The following LIPC variants were observed in gnomAD, a reference collection of about 807,000 sequenced individuals.
LIPC encodes the protein lipase C, hepatic type, also known as hepatic triacylglycerol lipase.
LIPC carries 44 observed loss-of-function variants against 50.7 expected under a neutral mutation model. That is an observed-to-expected ratio of 0.87 (90% CI 0.68 to 1.11). LIPC has a LOEUF of 1.11. Ranked by LOEUF, LIPC falls within the 50% of genes most tolerant of loss-of-function variation. The pLI, the probability that LIPC is intolerant of heterozygous loss-of-function variation, is 0.00. For missense variants in LIPC, 697 were observed against 648.2 expected (o/e 1.08, Z -0.82); for synonymous variants, 271 against 256.4 (o/e 1.06, Z -0.54).
At chr15:58,446,750 C>T (rs1433466594) in intron 1 of LIPC, among the ~76,000 whole-genome samples, 1 of 152,174 alleles carries the variant, frequency 6.6e-6, no homozygotes, top group Non-Finnish European at 1.5e-5. Context: ...ACTGTTGTTT[C>T]CCCAGGACCC....
intron 1 of LIPC, among the ~76,000 whole-genome samples, chr15:58,485,724 G>A (rs1049978934): frequency 4.6e-5 from 7 of 152,254 alleles, no homozygotes; most frequent in Admixed American, 3.9e-4. Flanking sequence ...AAGCTGCCCT[G>A]TCATTTGTGG....
At chr15:58,565,040 T>C (rs1309015632) in intron 8 of LIPC, 2 of 661,044 alleles carry the variant, frequency 3.0e-6, no homozygotes, top group East Asian at 5.5e-5. Context: ...CGTCACCCCC[T>C]GGGTTTCACT....
intron 1 of LIPC, among the ~76,000 whole-genome samples, chr15:58,471,336 G>GAGC (rs1555399304): frequency 1.5e-5 from 2 of 135,006 alleles, no homozygotes; most frequent in African/African-American, 3.2e-5. Context: ...GATGGGGGGG[G>GAGC]GTGGTCTCAC....
At chr15:58,461,625 C>T (rs147903341) in intron 1 of LIPC, among the ~76,000 whole-genome samples, 3,108 of 151,666 alleles carry the variant, frequency 0.02, 104 homozygotes, top group African/African-American at 0.071. Context: ...ACCACATTGG[C>T]CAGGCTGGTC....
At chr15:58,476,444 T>G (rs1376170996) in intron 1 of LIPC, among the ~76,000 whole-genome samples, 1 of 152,254 alleles carries the variant, frequency 6.6e-6, no homozygotes, top group Admixed American at 6.5e-5. Context: ...TTCTCCTGTG[T>G]GCCACATAGT....
chr15:58,500,893 T>C (rs1429733968), intron 1 of LIPC, among the ~76,000 whole-genome samples: 3 of 151,864 alleles, frequency 2.0e-5, no homozygotes, highest in Non-Finnish European at 1.5e-5. Flanking sequence ...CAAAGCCACG[T>C]CAAAACACAG....
chr15:58,474,216 G>A (rs1410805347), intron 1 of LIPC, among the ~76,000 whole-genome samples: 1 of 152,136 alleles, frequency 6.6e-6, no homozygotes, highest in African/African-American at 2.4e-5. Flanking sequence ...CTCTCTGCTG[G>A]GGGCAGTAAA....
chr15:58,465,323 T>C (rs969265564), intron 1 of LIPC, among the ~76,000 whole-genome samples: 2 of 152,240 alleles, frequency 1.3e-5, no homozygotes, highest in Admixed American at 6.5e-5. Context: ...GTACCTCTTA[T>C]GAAAGCCAAC....
In LIPC at chr15:58,450,795, C is replaced by T. The variant is rs572987082; in HGVS notation, c.88+18675C>T. On this transcript the variant is annotated intron_variant, in intron 1 of 8. Transcript: ENST00000299022. ...ATGCCTGGTATTGATAAGAGCCCAC[C>T]GTGCTAGTTTTTACCAATGGTCCCT... Among the ~76,000 whole-genome samples, 57 of 152,178 alleles carry T rather than the reference C, an allele frequency of 3.7e-4. No homozygotes were observed. The South Asian group carries it at 9.3e-3, about 25-fold the overall frequency.
chr15:58,460,436 T>C (rs1051023661), intron 1 of LIPC, among the ~76,000 whole-genome samples: 1 of 152,208 alleles, frequency 6.6e-6, no homozygotes, highest in Non-Finnish European at 1.5e-5. Flanking sequence ...TGGGCCAGGA[T>C]GGCCTCCCAA....
chr15:58,509,847 G>T (rs1892277643), intron 1 of LIPC, among the ~76,000 whole-genome samples: 1 of 151,818 alleles, frequency 6.6e-6, no homozygotes, highest in African/African-American at 2.4e-5. Flanking sequence ...TGCTGTCAAT[G>T]GATATCTATT....
intron 1 of LIPC, among the ~76,000 whole-genome samples, chr15:58,511,959 A>G (rs942381731): frequency 6.6e-6 from 1 of 152,210 alleles, no homozygotes; most frequent in Non-Finnish European, 1.5e-5. Flanking sequence ...CATACACACA[A>G]TTAAACTCAA....
At chr15:58,539,476 A>C (rs2140908069) in intron 2 of LIPC, among the ~76,000 whole-genome samples, 1 of 152,296 alleles carries the variant, frequency 6.6e-6, no homozygotes, top group South Asian at 2.1e-4. Flanking sequence ...ATGAAGTCAA[A>C]CCATGTGAGA....
intron 6 of LIPC, among the ~76,000 whole-genome samples, chr15:58,554,796 C>T (rs1346274489): frequency 6.6e-6 from 1 of 152,114 alleles, no homozygotes; most frequent in African/African-American, 2.4e-5. Context: ...AACCAGTTCT[C>T]AGCCTGAAAG....
At chr15:58,554,910 C>G (rs1294053339) in intron 6 of LIPC, among the ~76,000 whole-genome samples, 1 of 152,196 alleles carries the variant, frequency 6.6e-6, no homozygotes, top group Non-Finnish European at 1.5e-5. Flanking sequence ...AGTGCTCCTG[C>G]AAACTCAAGG....
chr15:58,542,474 C>A, intron 3 of LIPC, 60 bp from the exon 4 acceptor site: 1 of 1,129,350 alleles, frequency 8.9e-7, no homozygotes, highest in Non-Finnish European at 1.4e-6. Context: ...CACACTGGAC[C>A]GCAAAAGGCT....
At chr15:58,530,785 C>A (rs1368391741) in intron 1 of LIPC, among the ~76,000 whole-genome samples, 4 of 152,216 alleles carry the variant, frequency 2.6e-5, no homozygotes, top group Admixed American at 6.5e-5. Context: ...AATCTAGCTT[C>A]TTTCACTTAG....
chr15:58,453,302 C>T (rs927640514), intron 1 of LIPC, among the ~76,000 whole-genome samples: 4 of 152,144 alleles, frequency 2.6e-5, no homozygotes, highest in Admixed American at 2.0e-4. Flanking sequence ...CCACATGGGA[C>T]CTAGAATAGC....
chr15:58,521,833 A>G (rs1892663445), intron 1 of LIPC: 1 of 152,232 alleles, frequency 6.6e-6, no homozygotes, highest in Non-Finnish European at 1.5e-5. Flanking sequence ...TTATATAAGA[A>G]GTCCAGGCAT....
Sources: allele counts gnomAD v4.1 joint callset (sites outside exome capture counted in the v4.1 genomes callset), GRCh38; gene constraint gnomAD v4.1.1; transcripts MANE v1.5; gene names NCBI Gene and HGNC (gene_info 2026-07-23, HGNC 2026-07-21).